Variants in MINAR2 observed in about 807,000 individuals in gnomAD.
MINAR2 encodes major intrinsically disordered NOTCH2-binding receptor 1-like.
In MINAR2, 21 loss-of-function variants were observed where a neutral mutation model predicts 16.1. The ratio of observed to expected loss-of-function variants is 1.31; its 90% confidence interval spans 0.93 to 1.88. MINAR2 has a LOEUF of 1.88. Ranked by LOEUF, MINAR2 falls within the 40% of genes most tolerant of loss-of-function variation. The probability of loss-of-function intolerance (pLI) is 0.00; values close to 1 mark genes in which losing one functional copy is unlikely to be tolerated. For missense variants in MINAR2, 259 were observed against 229.8 expected, an observed-to-expected ratio of 1.13 and a Z score of -0.82; for synonymous variants, 86 against 83.0, an observed-to-expected ratio of 1.04 and a Z score of -0.20.
At chr5:129,761,294 G>A (rs946436462) in intron 2 of MINAR2, among the ~76,000 whole-genome samples, 1 of 152,156 alleles carries the variant, frequency 6.6e-6, no homozygotes, top group African/African-American at 2.4e-5. Context: ...GAATGGACTG[G>A]ATTCCTACCC....
At chr5:129,761,621 C>T (rs1472112307) in intron 2 of MINAR2, among the ~76,000 whole-genome samples, 2 of 152,146 alleles carry the variant, frequency 1.3e-5, no homozygotes, top group East Asian at 3.9e-4. Context: ...ATGCTCTCCA[C>T]AGAAACAATA....
intron 1 of MINAR2, among the ~76,000 whole-genome samples, chr5:129,756,839 G>A (rs367806563): frequency 4.7e-4 from 70 of 147,732 alleles, no homozygotes; most frequent in African/African-American, 1.5e-3. Context: ...GCTTTTGACC[G>A]TGTCTATTTT....
rs140906158 is a variant in MINAR2 at position 129,753,685 on chromosome 5, G to A, written c.165+5330G>A. Among the ~76,000 whole-genome samples the A allele has an allele frequency of 2.8e-3, 422 of 151,834 alleles. 1 individual carries two copies. Among genetic ancestry groups the A allele is most frequent in the African/African-American group, 9.4e-3 (390 of 41,372 alleles). ...GGACAATCGCTTGAACCGGGGAGGTGGAGATTGCAGTGAGCTGAGATCGCG... is the reference window on the plus strand; with the variant it reads ...GGACAATCGCTTGAACCGGGGAGGTAGAGATTGCAGTGAGCTGAGATCGCG... On this transcript the variant is annotated intron_variant, in intron 1 of 2. Transcript: ENST00000564719.
At chr5:129,758,157 AT>A (rs1024312278) in intron 1 of MINAR2, among the ~76,000 whole-genome samples, 3 of 151,980 alleles carry the variant, frequency 2.0e-5, no homozygotes, top group African/African-American at 7.2e-5. Context: ...TTAAATAAAT[AT>A]TTTAAAAGGT....
At chr5:129,753,611 G>T (rs866743510) in intron 1 of MINAR2, among the ~76,000 whole-genome samples, 2 of 151,642 alleles carry the variant, frequency 1.3e-5, no homozygotes, top group African/African-American at 4.9e-5. Flanking sequence ...AAATTAGCTG[G>T]ACTTGCTGGC....
At position 129,760,433 on chromosome 5, in the gene MINAR2, T is replaced by G; in HGVS notation, c.221T>G (p.Leu74Arg). The change falls in exon 2 of 3, where the codon CTT becomes CGT. Residue 74 changes from leucine (L) to arginine (R), a missense_variant. Transcript: ENST00000564719. The part of the protein sequence containing the change: ...QRIRGSSADS[L>R]VTADSPPPSM... ...ATTAGGGGATCCAGTGCAGACAGCC[T>G]TGTCACTGCTGATAGCCCCCCACCA... 6.5e-7 allele frequency: 1 copy of G among 1,535,802 alleles called. No homozygotes were observed. The highest frequency in any genetic ancestry group is 8.7e-7 in the Non-Finnish European group (1 of 1,146,594).
chr5:129,758,571 G>A (rs1005751797), intron 1 of MINAR2, among the ~76,000 whole-genome samples: 1 of 151,888 alleles, frequency 6.6e-6, no homozygotes, highest in Admixed American at 6.6e-5. Flanking sequence ...TATATACATT[G>A]TAATAGAGTG....
At chr5:129,755,160 A>G (rs2149545502) in intron 1 of MINAR2, among the ~76,000 whole-genome samples, 1 of 152,188 alleles carries the variant, frequency 6.6e-6, no homozygotes, top group African/African-American at 2.4e-5. Context: ...ATATTAAACC[A>G]TCCTGTTGGT....
At chr5:129,753,058 A>G (rs10478892) in intron 1 of MINAR2, among the ~76,000 whole-genome samples, 27,286 of 151,984 alleles carry the variant, frequency 0.18, 2,680 homozygotes, top group East Asian at 0.3. Flanking sequence ...CTTTTTTCCC[A>G]TAAATTTCAA....
chr5:129,760,243 C>T (rs1758114529), intron 1 of MINAR2, 135 bp from the exon 2 acceptor site: 3 of 671,700 alleles, frequency 4.5e-6, no homozygotes, highest in Non-Finnish European at 7.5e-6. Flanking sequence ...ACCCTAGAAT[C>T]CTTTTCTCAT....
At chr5:129,751,991 T>G (rs1757991196) in intron 1 of MINAR2, among the ~76,000 whole-genome samples, 1 of 152,110 alleles carries the variant, frequency 6.6e-6, no homozygotes, top group Non-Finnish European at 1.5e-5. Flanking sequence ...TCACTGGTCA[T>G]TAGAGAAATG....
rs549559388 is a variant in MINAR2 at position 129,757,304 on chromosome 5, C to T, written c.166-3074C>T. On this transcript the variant is annotated intron_variant, in intron 1 of 2. Transcript: ENST00000564719. ...CTGGGAAAGGCAGATATCCTCTGTG[C>T]TTAGGAAGTGGAAACAAAATTAGCG... 2.0e-5 allele frequency among the ~76,000 whole-genome samples: 3 copies of T among 152,020 alleles called. No homozygotes were observed. In the East Asian group the frequency reaches 5.8e-4, roughly 29 times the overall value.
In MINAR2 at chr5:129,766,284, T is replaced by C. The variant is rs1758212218; in HGVS notation, c.*1221T>C. On this transcript the variant is annotated 3_prime_UTR_variant, in exon 3 of 3. Transcript: ENST00000564719. Reference sequence around the variant, plus strand: ...GAGCCTAAAGTCAGATTTTGTCCCTTGATATTGCCATATCATTTTGTTGTA... The same window carrying C: ...GAGCCTAAAGTCAGATTTTGTCCCTCGATATTGCCATATCATTTTGTTGTA... The C allele has an allele frequency of 6.6e-6, 1 of 152,230 alleles. No homozygotes were observed. Among genetic ancestry groups the C allele is most frequent in the South Asian group, 2.1e-4 (1 of 4,832 alleles). 9.4% of individuals were successfully genotyped at this position (152,230 alleles called of 1,614,324 possible).
At chr5:129,750,566 T>A (rs1757974007) in intron 1 of MINAR2, among the ~76,000 whole-genome samples, 1 of 152,200 alleles carries the variant, frequency 6.6e-6, no homozygotes, top group African/African-American at 2.4e-5. Context: ...AATATTTATT[T>A]TCCATATTTC....
intron 1 of MINAR2, among the ~76,000 whole-genome samples, chr5:129,756,228 A>C (rs1758052120): frequency 6.6e-6 from 1 of 152,118 alleles, no homozygotes; most frequent in Admixed American, 6.6e-5. Context: ...TAAAATTTTC[A>C]GTATATATTT....
intron 1 of MINAR2, among the ~76,000 whole-genome samples, chr5:129,753,090 GT>G (rs1554113483): frequency 4.0e-5 from 6 of 151,680 alleles, no homozygotes; most frequent in Non-Finnish European, 2.9e-5. Context: ...TTTATCATGG[GT>G]TTTTTTTTGT....
At chr5:129,749,004 T>G (rs1399068143) in intron 1 of MINAR2, among the ~76,000 whole-genome samples, 1 of 152,198 alleles carries the variant, frequency 6.6e-6, no homozygotes, top group African/African-American at 2.4e-5. Flanking sequence ...TTCTCTTTTC[T>G]TTTGCATTTT....
chr5:129,759,413 A>G (rs1294628192), intron 1 of MINAR2, among the ~76,000 whole-genome samples: 1 of 152,172 alleles, frequency 6.6e-6, no homozygotes, highest in Non-Finnish European at 1.5e-5. Context: ...TTTGTATTTG[A>G]CCAATGAACA....
At chr5:129,758,825 A>C (rs1347276645) in intron 1 of MINAR2, among the ~76,000 whole-genome samples, 2 of 152,050 alleles carry the variant, frequency 1.3e-5, no homozygotes, top group Non-Finnish European at 2.9e-5. Context: ...TCAATTCAGA[A>C]ACATTACTTT....
Sources: allele counts gnomAD v4.1 joint callset (sites outside exome capture counted in the v4.1 genomes callset), GRCh38; gene constraint gnomAD v4.1.1; transcripts MANE v1.5; gene names NCBI Gene and HGNC (gene_info 2026-07-23, HGNC 2026-07-21).